ADAM10: variants seen among roughly 807,000 people sequenced by gnomAD.
ADAM10 encodes the protein disintegrin and metalloproteinase domain-containing protein 10.
In ADAM10, 17 loss-of-function variants were observed where a neutral mutation model predicts 90.1. That is an observed-to-expected ratio of 0.19 (90% CI 0.13 to 0.28). ADAM10 has a LOEUF of 0.28. Among genes scored for constraint, ADAM10 ranks in the 10% least tolerant of loss-of-function variants. ADAM10 has a pLI of 1.00. For synonymous variants in ADAM10, 310 were observed against 298.6 expected (o/e 1.04, Z -0.40); for missense variants, 610 against 914.3 (o/e 0.67, Z 4.29).
Position 58,646,153 on chromosome 15 carries a change from G to A in ADAM10, c.637C>T (p.Arg213Cys), listed in dbSNP as rs1308209388. The stretch of plus-strand genomic sequence containing the variant: ...GTATTTTTTTCAGCTGAAGTTGTAC[G>A]TTTTTTCCTCAGAAGTTCTGGACCA... The part of the protein sequence containing the change: ...ANGPELLRKK[R>C]TTSAEKNTCQ... The change falls in exon 6 of 16, where the codon CGT becomes TGT. Residue 213 changes from arginine (R) to cysteine (C), a missense_variant. Physicochemically the swap from Arg to Cys is radical, Grantham distance 180. Transcript: ENST00000260408. The A allele has an allele frequency of 3.1e-6, 5 of 1,613,408 alleles. No individual in the cohort carries two copies. Among genetic ancestry groups the A allele is most frequent in the Admixed American group, 1.7e-5 (1 of 59,978 alleles).
intron 6 of ADAM10, among the ~76,000 whole-genome samples, chr15:58,645,456 G>A (rs1170915555): frequency 1.3e-5 from 2 of 152,028 alleles, no homozygotes; most frequent in Non-Finnish European, 2.9e-5. Context: ...AAAATCCTAA[G>A]GGAAGAACTA....
intron 1 of ADAM10, among the ~76,000 whole-genome samples, chr15:58,742,963 T>C (rs543438207): frequency 6.6e-6 from 1 of 151,876 alleles, no homozygotes; most frequent in Non-Finnish European, 1.5e-5. Context: ...GAGGCTGAGG[T>C]TGGAGAATTG....
At position 58,597,357 on chromosome 15, in the gene ADAM10, C is replaced by G; in HGVS notation, c.*190G>C. 2 of 1,540,314 alleles carry G rather than the reference C, an allele frequency of 1.3e-6. No homozygotes were observed. Among genetic ancestry groups the G allele is most frequent in the Non-Finnish European group, 1.8e-6 (2 of 1,142,550 alleles). On this transcript the variant is annotated 3_prime_UTR_variant, in exon 16 of 16. Transcript: ENST00000260408. ...ATTGGGTTCCTTTTCCACCTCCCAC[C>G]CCCAAATTGGAATTTTCAGGCTTTA...
At chr15:58,679,879 G>C (rs1897382760) in intron 3 of ADAM10, among the ~76,000 whole-genome samples, 1 of 152,136 alleles carries the variant, frequency 6.6e-6, no homozygotes, top group African/African-American at 2.4e-5. Context: ...CTGAACTCCA[G>C]CCTGGGTGAC....
intron 2 of ADAM10, among the ~76,000 whole-genome samples, chr15:58,694,128 T>G (rs1488484199): frequency 2.0e-5 from 3 of 152,234 alleles, no homozygotes; most frequent in Non-Finnish European, 4.4e-5. Flanking sequence ...TTTGGAAAAC[T>G]GTTTAGCACT....
At chr15:58,667,164 T>A (rs1406269574) in intron 4 of ADAM10, among the ~76,000 whole-genome samples, 1 of 152,180 alleles carries the variant, frequency 6.6e-6, no homozygotes, top group Non-Finnish European at 1.5e-5. Flanking sequence ...GGGTGTAGAA[T>A]ATTCGGCCTA....
At chr15:58,690,017 G>T (rs1359565699) in intron 2 of ADAM10, among the ~76,000 whole-genome samples, 1 of 131,646 alleles carries the variant, frequency 7.6e-6, no homozygotes. Flanking sequence ...CCAAAAACTA[G>T]AAAACTGAAC....
chr15:58,619,764 C>T (rs531627810), intron 11 of ADAM10, among the ~76,000 whole-genome samples: 2 of 152,042 alleles, frequency 1.3e-5, no homozygotes, highest in Admixed American at 6.5e-5. Context: ...ATTAGCCAGG[C>T]GTGGTGGCGG....
chr15:58,597,236 G>T lies in ADAM10; in HGVS notation c.*311C>A. ...TTGAGAGCCAAGTTTGCCTGCAAGT[G>T]AAGAAAATGCAGCAACGAAGAACAG... On this transcript the variant is annotated 3_prime_UTR_variant, in exon 16 of 16. Coordinates refer to ENST00000260408, the MANE Select transcript of ADAM10 (RefSeq NM_001110.4). The T allele has an allele frequency of 3.7e-6, 3 of 808,872 alleles. No individual in the cohort carries two copies. Among genetic ancestry groups the T allele is most frequent in the Non-Finnish European group, 5.7e-6 (3 of 530,868 alleles). 50.1% of individuals were successfully genotyped at this position (808,872 alleles called of 1,614,324 possible).
At chr15:58,634,582 C>G (rs1000268895) in intron 8 of ADAM10, among the ~76,000 whole-genome samples, 1 of 152,076 alleles carries the variant, frequency 6.6e-6, no homozygotes, top group African/African-American at 2.4e-5. Context: ...ATAGGAAAAT[C>G]AGAAACCATC....
chr15:58,691,874 C>T (rs1897819772), intron 2 of ADAM10, among the ~76,000 whole-genome samples: 1 of 151,854 alleles, frequency 6.6e-6, no homozygotes, highest in Non-Finnish European at 1.5e-5. Context: ...CGGGCTTTCA[C>T]CATGTTGACC....
intron 5 of ADAM10, among the ~76,000 whole-genome samples, chr15:58,654,427 T>G (rs1385978858): frequency 6.6e-6 from 1 of 152,172 alleles, no homozygotes; most frequent in East Asian, 1.9e-4. Flanking sequence ...TTGCCCAGGC[T>G]GCAGTAAAGT....
In ADAM10 at chr15:58,610,324, G is replaced by C. The variant is rs764498725; in HGVS notation, c.1998C>G (p.Leu666=). The change falls in exon 14 of 16, where the codon CTC becomes CTG. Residue 666 remains leucine, a synonymous_variant. Transcript: ENST00000260408. ...CAATCCATTCAGCAATGTTTTCATA[G>C]AGCTCTGGACTAAAAATTGCTTTTT... ...RLKKAIFSPE[L]YENIAEWIVA... The C allele has an allele frequency of 6.2e-7, 1 of 1,614,058 alleles. No individual in the cohort carries two copies. Among genetic ancestry groups the C allele is most frequent in the Non-Finnish European group, 8.5e-7 (1 of 1,179,944 alleles).
intron 15 of ADAM10, among the ~76,000 whole-genome samples, chr15:58,598,850 T>TG (rs1273607996): frequency 3.9e-5 from 6 of 152,162 alleles, no homozygotes; most frequent in African/African-American, 1.4e-4. Flanking sequence ...AGGTAAAAGG[T>TG]GGAGACCAGA....
At chr15:58,605,451 CT>C (rs1185112213) in intron 14 of ADAM10, among the ~76,000 whole-genome samples, 2 of 133,634 alleles carry the variant, frequency 1.5e-5, no homozygotes, top group African/African-American at 7.2e-5. Flanking sequence ...TATAGTTTTC[CT>C]TTTTAAAAAA....
At chr15:58,708,747 T>C (rs1314772780) in intron 2 of ADAM10, among the ~76,000 whole-genome samples, 5 of 152,190 alleles carry the variant, frequency 3.3e-5, no homozygotes, top group African/African-American at 1.2e-4. Context: ...AGACCTTGTG[T>C]TTATATTTGA....
intron 8 of ADAM10, among the ~76,000 whole-genome samples, chr15:58,634,997 A>G (rs1436697188): frequency 6.6e-6 from 1 of 152,158 alleles, no homozygotes; most frequent in Non-Finnish European, 1.5e-5. Flanking sequence ...ATATATGGCA[A>G]CAAAATACAA....
At chr15:58,674,147 T>C (rs916211173) in intron 4 of ADAM10, among the ~76,000 whole-genome samples, 11 of 152,222 alleles carry the variant, frequency 7.2e-5, no homozygotes, top group Non-Finnish European at 1.6e-4. Context: ...ACTTTTCGGC[T>C]TCTGTGCCTG....
chr15:58,677,308 T>C (rs1171918170), intron 4 of ADAM10, among the ~76,000 whole-genome samples: 1 of 152,134 alleles, frequency 6.6e-6, no homozygotes, highest in African/African-American at 2.4e-5. Flanking sequence ...CACAAACATA[T>C]ATTTACTTAA....
Sources: allele counts gnomAD v4.1 joint callset (sites outside exome capture counted in the v4.1 genomes callset), GRCh38; gene constraint gnomAD v4.1.1; transcripts MANE v1.5; gene names NCBI Gene and HGNC (gene_info 2026-07-23, HGNC 2026-07-21).